METTL14: variants seen among roughly 807,000 people sequenced by gnomAD.
METTL14 encodes methyltransferase 14, N6-adenosine-methyltransferase non-catalytic subunit, also known as N(6)-adenosine-methyltransferase non-catalytic subunit METTL14.
Under a neutral mutation model 62.4 loss-of-function variants are expected in METTL14, and 32 were observed. That is an observed-to-expected ratio of 0.51 (90% CI 0.39 to 0.69). METTL14 has a LOEUF of 0.69. Among genes scored for constraint, METTL14 ranks in the 30% least tolerant of loss-of-function variants. The probability of loss-of-function intolerance (pLI) is 0.00; values close to 1 mark genes in which losing one functional copy is unlikely to be tolerated. For missense variants in METTL14, 340 were observed against 551.9 expected, an observed-to-expected ratio of 0.62 and a Z score of 3.85; for synonymous variants, 150 against 180.0, an observed-to-expected ratio of 0.83 and a Z score of 1.34.
chr4:118,710,332 C>T lies in METTL14; in HGVS notation c.*30C>T, dbSNP rs1022571927. On this transcript the variant is annotated 3_prime_UTR_variant, in exon 11 of 11. Transcript: ENST00000388822. ...TGAAGACATTGAACCTATTCATCCT[C>T]CTCTAACCTTCTTTATTGTAATTAA... The T allele has an allele frequency of 3.2e-6, 5 of 1,556,798 alleles. No homozygotes were observed. The highest frequency in any genetic ancestry group is 2.0e-5 in the Admixed American group (1 of 50,382).
In METTL14 at chr4:118,715,374, CTTTATAG is replaced by C. The variant is rs1291717188; in HGVS notation, c.*5078_*5084del. 5.9e-5 allele frequency: 9 copies of C among 152,220 alleles called. No homozygotes were observed. The highest frequency in any genetic ancestry group is 4.1e-4 in the South Asian group (2 of 4,826). The allele number at this position is 152,220 out of a possible 1,614,324, so 9.4% of individuals were successfully genotyped here. On this transcript the variant is annotated 3_prime_UTR_variant, in exon 11 of 11. Coordinates refer to ENST00000388822, the MANE Select transcript of METTL14 (RefSeq NM_020961.4). Reference sequence around the variant, plus strand: ...AAATGTCTTGTGGAATTAGCTGTCACTTTATAGTTTATGTATTGTGGTGGGTACCTTA... The same window carrying C: ...AAATGTCTTGTGGAATTAGCTGTCACTTTATGTATTGTGGTGGGTACCTTA...
At chr4:118,704,202 A>G (rs973396320) in intron 9 of METTL14, 151 bp downstream of exon 9, 132 of 572,994 alleles carry the variant, frequency 2.3e-4, no homozygotes, top group Non-Finnish European at 3.8e-4. Flanking sequence ...ATACATCCAA[A>G]TTAGTTTTAA....
chr4:118,686,248 A>T (rs974509933), intron 1 of METTL14, among the ~76,000 whole-genome samples: 1 of 152,252 alleles, frequency 6.6e-6, no homozygotes, highest in Non-Finnish European at 1.5e-5. Flanking sequence ...CTGCTGGGAA[A>T]TAGAACCTAG....
In METTL14 at chr4:118,714,922, G is replaced by A. The variant is rs1212733747; in HGVS notation, c.*4620G>A. The A allele has an allele frequency of 6.6e-6, 1 of 152,228 alleles. No individual in the cohort carries two copies. Among genetic ancestry groups the A allele is most frequent in the African/African-American group, 2.4e-5 (1 of 41,464 alleles). The allele number at this position is 152,228 out of a possible 1,614,324, so 9.4% of individuals were successfully genotyped here. A position where few individuals can be genotyped will look rare whatever the true frequency, so the allele number is the denominator to read the frequency against. On this transcript the variant is annotated 3_prime_UTR_variant, in exon 11 of 11. Transcript: ENST00000388822. Reference sequence around the variant, plus strand: ...TTTAAATTATGCATGCATTGTAGCTGTATACTGTGTGACCACATTTACTTA... The same window carrying A: ...TTTAAATTATGCATGCATTGTAGCTATATACTGTGTGACCACATTTACTTA...
Position 118,703,872 on chromosome 4 carries a change from ATTG to A in METTL14, c.739-60_739-58del. ...AAAGTTTTTTTTAATGCTGGTTGTT[ATTG>A]TTAAGTATTGTTTATTTCTTTAAGT... On this transcript the variant is annotated intron_variant, in intron 8 of 10. Coordinates refer to ENST00000388822, the MANE Select transcript of METTL14 (RefSeq NM_020961.4). The A allele has an allele frequency of 6.6e-6, 6 of 908,890 alleles. No individual in the cohort carries two copies. The South Asian group carries it at 9.2e-5, about 14-fold the overall frequency. 56.3% of individuals were successfully genotyped at this position (908,890 alleles called of 1,614,324 possible).
chr4:118,690,187 C>T (rs1456451799), intron 3 of METTL14, among the ~76,000 whole-genome samples: 3 of 150,746 alleles, frequency 2.0e-5, no homozygotes, highest in Non-Finnish European at 4.4e-5. Flanking sequence ...ACTACAAGCA[C>T]GCACCACGAC....
chr4:118,688,128 G>A (rs1198381546), intron 2 of METTL14, 117 bp downstream of exon 2: 13 of 774,380 alleles, frequency 1.7e-5, no homozygotes, highest in Admixed American at 5.4e-5. Flanking sequence ...CTTGACTCCT[G>A]GGCTCAAGTG....
intron 8 of METTL14, among the ~76,000 whole-genome samples, chr4:118,701,686 T>C (rs796248449): frequency 9.8e-5 from 15 of 152,332 alleles, no homozygotes; most frequent in African/African-American, 2.9e-4. Context: ...GACACTTCGT[T>C]TTTATGACAT....
At chr4:118,697,413 C>A in intron 7 of METTL14, 90 bp downstream of exon 7, 3 of 1,145,574 alleles carry the variant, frequency 2.6e-6, no homozygotes, top group Non-Finnish European at 3.6e-6. Context: ...AAATATCATC[C>A]CTACTTTTGT....
intron 1 of METTL14, among the ~76,000 whole-genome samples, chr4:118,686,852 T>A (rs1416263172): frequency 6.6e-6 from 1 of 152,214 alleles, no homozygotes; most frequent in Non-Finnish European, 1.5e-5. Context: ...TTAAAGTCTT[T>A]TATGAATTGG....
chr4:118,696,117 C>CAAAAAAAAAAAAAAAAAAAAAAAA (rs70941201), intron 6 of METTL14, among the ~76,000 whole-genome samples: 1 of 33,910 alleles, frequency 2.9e-5, no homozygotes, highest in Admixed American at 4.7e-4. Flanking sequence ...GACTCTGTCT[C>CAAAAAAAAAAAAAAAAAAAAAAAA]AAAAAAAAAA....
chr4:118,694,388 T>C (rs13111664), intron 5 of METTL14, 48 bp from the exon 6 acceptor site: 503,738 of 1,467,116 alleles, frequency 0.34, 90,620 homozygotes, highest in Non-Finnish European at 0.37. Flanking sequence ...ATTACTGATA[T>C]TAACTTCAGT....
intron 10 of METTL14, among the ~76,000 whole-genome samples, chr4:118,706,469 G>C (rs530595610): frequency 6.6e-6 from 1 of 152,122 alleles, no homozygotes; most frequent in Non-Finnish European, 1.5e-5. Flanking sequence ...TGGATGTACC[G>C]CAGTTTTTAT....
At chr4:118,707,456 G>A (rs1724788415) in intron 10 of METTL14, among the ~76,000 whole-genome samples, 1 of 152,018 alleles carries the variant, frequency 6.6e-6, no homozygotes. Context: ...TTGAGGTCAG[G>A]AGTTTGAGAC....
At chr4:118,708,458 C>A (rs1289899025) in intron 10 of METTL14, among the ~76,000 whole-genome samples, 2 of 152,230 alleles carry the variant, frequency 1.3e-5, no homozygotes, top group East Asian at 1.9e-4. Flanking sequence ...GTTTAATAGT[C>A]AGTGAGAGCC....
At position 118,710,371 on chromosome 4, in the gene METTL14, G is replaced by T; in HGVS notation, c.*69G>T. ...TATTGTAATTAAATTTCAAGTGGGA[G>T]ACTTAACTTTAGAACTCACTTCCAG... On this transcript the variant is annotated 3_prime_UTR_variant, in exon 11 of 11. Coordinates refer to ENST00000388822, the MANE Select transcript of METTL14 (RefSeq NM_020961.4). 3 of 1,435,390 alleles carry T rather than the reference G, an allele frequency of 2.1e-6. No individual in the cohort carries two copies. In the South Asian group the frequency reaches 4.3e-5, roughly 21 times the overall value. The allele number at this position is 1,435,390 out of a possible 1,614,324, so 88.9% of individuals were successfully genotyped here. A position where few individuals can be genotyped will look rare whatever the true frequency, so the allele number is the denominator to read the frequency against.
intron 2 of METTL14, 79 bp downstream of exon 2, chr4:118,688,090 C>T (rs1030123193): frequency 9.3e-6 from 11 of 1,187,898 alleles, no homozygotes; most frequent in Admixed American, 6.4e-5. Context: ...GGCTGGAGTA[C>T]AGTAGCATGA....
chr4:118,703,141 A>G (rs1406580504), intron 8 of METTL14, among the ~76,000 whole-genome samples: 1 of 151,880 alleles, frequency 6.6e-6, no homozygotes, highest in Non-Finnish European at 1.5e-5. Context: ...ATATCTTGAT[A>G]TGTACTTGAT....
In METTL14 at chr4:118,693,243, A is replaced by G. The variant is rs572904867; in HGVS notation, c.412+1175A>G. ...TTGCATTTGCCTAGTGACTAATGAT[A>G]TTGAGCATCTTTTTTTATGCTTATT... is the stretch of plus-strand genomic sequence containing the variant. On this transcript the variant is annotated intron_variant, in intron 5 of 10. Transcript: ENST00000388822. 5.3e-5 allele frequency among the ~76,000 whole-genome samples: 8 copies of G among 152,308 alleles called. No individual in the cohort carries two copies. In the South Asian group the frequency reaches 1.7e-3, roughly 32 times the overall value.
Sources: gnomAD v4.1 joint callset for allele counts (sites outside exome capture counted in the v4.1 genomes callset) on GRCh38, gnomAD v4.1.1 for gene constraint, MANE v1.5 for transcripts, NCBI Gene and HGNC (gene_info 2026-07-23, HGNC 2026-07-21) for gene names.